FARS2: variants seen among roughly 807,000 people sequenced by gnomAD.
FARS2 encodes the protein phenylalanine--tRNA ligase, mitochondrial.
FARS2 carries 40 observed loss-of-function variants against 46.4 expected under a neutral mutation model. The observed-to-expected ratio is 0.86, with a 90% CI of 0.67 to 1.12. FARS2 has a LOEUF of 1.12. Ranked by LOEUF, FARS2 falls within the 50% of genes most tolerant of loss-of-function variation. FARS2 has a pLI of 0.00. For synonymous variants in FARS2, 234 were observed against 214.9 expected (o/e 1.09, Z -0.78); for missense variants, 513 against 567.9 (o/e 0.90, Z 0.98).
intron 2 of FARS2, among the ~76,000 whole-genome samples, chr6:5,373,523 A>C (rs1443461648): frequency 2.0e-5 from 3 of 152,192 alleles, no homozygotes; most frequent in African/African-American, 7.2e-5. Flanking sequence ...TGTGATCTGC[A>C]GAATGAAATA....
At chr6:5,275,286 A>T (rs1766259572) in intron 1 of FARS2, among the ~76,000 whole-genome samples, 1 of 152,170 alleles carries the variant, frequency 6.6e-6, no homozygotes, top group African/African-American at 2.4e-5. Flanking sequence ...AGTCATGACT[A>T]CTCAGCTTAA....
At chr6:5,545,076 C>G in intron 4 of FARS2, 104 bp from the exon 5 acceptor site, 1 of 1,112,474 alleles carries the variant, frequency 9.0e-7, no homozygotes, top group East Asian at 2.4e-5. Context: ...CCTTTGCCCG[C>G]TGGTAGGCAT....
chr6:5,611,882 G>A (rs937867789), intron 5 of FARS2, among the ~76,000 whole-genome samples: 5 of 152,172 alleles, frequency 3.3e-5, no homozygotes, highest in African/African-American at 1.2e-4. Context: ...ATTAATTGAA[G>A]AGGAGATTCC....
At chr6:5,609,222 C>T (rs1775027021) in intron 5 of FARS2, 1 of 1,191,796 alleles carries the variant, frequency 8.4e-7, no homozygotes, top group East Asian at 2.4e-5. Flanking sequence ...AGCTTTGTTT[C>T]CTAATTAAAA....
intron 2 of FARS2, among the ~76,000 whole-genome samples, chr6:5,379,248 A>C (rs10458184): frequency 0.22 from 33,561 of 152,092 alleles, 4,247 homozygotes; most frequent in Middle Eastern, 0.32. Context: ...ACTTTCACTG[A>C]AAAAAATGAC....
At chr6:5,303,915 G>A (rs984162001) in intron 1 of FARS2, among the ~76,000 whole-genome samples, 24 of 152,024 alleles carry the variant, frequency 1.6e-4, no homozygotes, top group Middle Eastern at 6.8e-3. Context: ...GACCAAGTAC[G>A]CAACACCTCC....
chr6:5,708,992 C>T (rs1758935014), intron 6 of FARS2, among the ~76,000 whole-genome samples: 1 of 152,160 alleles, frequency 6.6e-6, no homozygotes, highest in Admixed American at 6.5e-5. Flanking sequence ...GTTGCTGGCC[C>T]TCATCTGTCT....
chr6:5,524,538 C>T (rs1043298692), intron 4 of FARS2, among the ~76,000 whole-genome samples: 1 of 151,436 alleles, frequency 6.6e-6, no homozygotes, highest in African/African-American at 2.4e-5. Context: ...TGCTACTTGA[C>T]GTGTTGGCAT....
intron 1 of FARS2, among the ~76,000 whole-genome samples, chr6:5,273,195 ATTGC>A (rs1203093810): frequency 1.3e-5 from 2 of 152,212 alleles, no homozygotes; most frequent in Non-Finnish European, 2.9e-5. Flanking sequence ...CAGCAGTGGA[ATTGC>A]TGGACATATG....
At chr6:5,511,645 T>C (rs1252949450) in intron 4 of FARS2, among the ~76,000 whole-genome samples, 2 of 152,206 alleles carry the variant, frequency 1.3e-5, no homozygotes, top group Admixed American at 6.5e-5. Flanking sequence ...AGCCAGGTAA[T>C]GTATTAGGAG....
chr6:5,301,219 G>C (rs1017813808), intron 1 of FARS2, among the ~76,000 whole-genome samples: 5 of 152,150 alleles, frequency 3.3e-5, no homozygotes, highest in Admixed American at 1.3e-4. Context: ...AAAAGGTCAA[G>C]GGTTATAGAA....
rs200444893 is a variant in FARS2, at chr6:5,518,451, CAGAGCT to C, written c.905-26724_905-26719del. 6.2e-3 allele frequency among the ~76,000 whole-genome samples: 944 copies of C among 152,208 alleles called. 10 individuals are homozygous for C. Among genetic ancestry groups the C allele is most frequent in the African/African-American group, 0.021 (867 of 41,522 alleles). On this transcript the variant is annotated intron_variant, in intron 4 of 6. Coordinates refer to ENST00000274680, the MANE Select transcript of FARS2 (RefSeq NM_006567.5). ...GATGAATGAAGTTTTGGAAGGATGTCAGAGCTAGAGAAATATGTCTGGAAGTGATCA... is the reference window on the plus strand; with the variant it reads ...GATGAATGAAGTTTTGGAAGGATGTCAGAGAAATATGTCTGGAAGTGATCA...
At chr6:5,744,793 A>G (rs1319010188) in intron 6 of FARS2, among the ~76,000 whole-genome samples, 2 of 152,384 alleles carry the variant, frequency 1.3e-5, no homozygotes, top group African/African-American at 4.8e-5. Context: ...AGGAGGCAGC[A>G]CATTAAATCT....
chr6:5,259,163 G>T (rs1428608514), upstream of FARS2, among the ~76,000 whole-genome samples: 1 of 152,198 alleles, frequency 6.6e-6, no homozygotes, highest in Non-Finnish European at 1.5e-5. Flanking sequence ...TCCTTAGTGT[G>T]TGAACTGCCT....
At chr6:5,468,070 C>G (rs922679553) in intron 4 of FARS2, among the ~76,000 whole-genome samples, 3 of 152,150 alleles carry the variant, frequency 2.0e-5, no homozygotes, top group Non-Finnish European at 4.4e-5. Flanking sequence ...GAGAGAGCAT[C>G]TTGTCTGTCC....
At chr6:5,327,417 A>C (rs1231875087) in intron 1 of FARS2, among the ~76,000 whole-genome samples, 1 of 152,128 alleles carries the variant, frequency 6.6e-6, no homozygotes, top group Non-Finnish European at 1.5e-5. Flanking sequence ...CATAATCCCC[A>C]CGTGTCATGG....
chr6:5,335,273 C>G (rs576208221), intron 1 of FARS2, among the ~76,000 whole-genome samples: 1 of 152,260 alleles, frequency 6.6e-6, no homozygotes, highest in African/African-American at 2.4e-5. Flanking sequence ...TCTTTGTGAT[C>G]TGTTTAGCAG....
chr6:5,388,804 G>T (rs1433164326), intron 2 of FARS2, among the ~76,000 whole-genome samples: 8 of 152,010 alleles, frequency 5.3e-5, no homozygotes, highest in Non-Finnish European at 7.4e-5. Flanking sequence ...TTCTCCAAGT[G>T]CCTTTTTCTG....
chr6:5,393,740 C>T (rs1760726608), intron 2 of FARS2, among the ~76,000 whole-genome samples: 1 of 152,142 alleles, frequency 6.6e-6, no homozygotes, highest in South Asian at 2.1e-4. Flanking sequence ...ATCACGCAAA[C>T]GTGTTGTTTG....
Sources: gnomAD v4.1 joint callset for allele counts (sites outside exome capture counted in the v4.1 genomes callset) on GRCh38, gnomAD v4.1.1 for gene constraint, MANE v1.5 for transcripts, NCBI Gene and HGNC (gene_info 2026-07-23, HGNC 2026-07-21) for gene names.